The following ROBO2 variants were observed in gnomAD, a reference collection of about 807,000 sequenced individuals.
The protein encoded by ROBO2 is roundabout guidance receptor 2.
Under a neutral mutation model 160.8 loss-of-function variants are expected in ROBO2, and 53 were observed. That is an observed-to-expected ratio of 0.33 (90% CI 0.26 to 0.41). The LOEUF (loss-of-function observed/expected upper bound fraction) is 0.41, where lower values mean the gene tolerates loss of function less well. Among genes scored for constraint, ROBO2 ranks in the 10% least tolerant of loss-of-function variants. The pLI is 1.00. For synonymous variants in ROBO2, 664 were observed against 611.7 expected (o/e 1.09, Z -1.26); for missense variants, 1,577 against 1,722.4 (o/e 0.92, Z 1.49).
At chr3:76,830,737 G>A (rs1485010203) in intron 2 of ROBO2, among the ~76,000 whole-genome samples, 1 of 151,468 alleles carries the variant, frequency 6.6e-6, no homozygotes, top group Non-Finnish European at 1.5e-5. Flanking sequence ...AGCATCTCGG[G>A]AGGCTGAGGC....
At chr3:77,291,381 A>G (rs2061227313) in intron 2 of ROBO2, among the ~76,000 whole-genome samples, 1 of 151,946 alleles carries the variant, frequency 6.6e-6, no homozygotes, top group Admixed American at 6.6e-5. Flanking sequence ...CTGAGGCTAC[A>G]TCACCCCAGA....
At chr3:77,197,539 T>C (rs1297017275) in intron 2 of ROBO2, among the ~76,000 whole-genome samples, 2 of 152,168 alleles carry the variant, frequency 1.3e-5, no homozygotes, top group African/African-American at 4.8e-5. Flanking sequence ...TCAGGGCTAG[T>C]AAGAAAATGT....
intron 2 of ROBO2, among the ~76,000 whole-genome samples, chr3:76,153,947 G>C (rs1424223531): frequency 6.6e-6 from 1 of 152,042 alleles, no homozygotes; most frequent in African/African-American, 2.4e-5. Flanking sequence ...ATAGTACTTC[G>C]AGCCTATAAC....
chr3:77,181,861 A>G (rs2080821131), intron 2 of ROBO2, among the ~76,000 whole-genome samples: 1 of 152,084 alleles, frequency 6.6e-6, no homozygotes, highest in African/African-American at 2.4e-5. Flanking sequence ...CACCAAGTCC[A>G]ATAAACTTGA....
At chr3:76,928,839 A>G (rs1389266599) in intron 2 of ROBO2, among the ~76,000 whole-genome samples, 3 of 152,064 alleles carry the variant, frequency 2.0e-5, no homozygotes, top group Non-Finnish European at 2.9e-5. Context: ...CATCTCATCT[A>G]ATGGTTTTAA....
intron 1 of ROBO2, among the ~76,000 whole-genome samples, chr3:77,052,762 A>G (rs1030998789): frequency 6.6e-6 from 1 of 152,190 alleles, no homozygotes; most frequent in Non-Finnish European, 1.5e-5. Flanking sequence ...TAAGAACGTG[A>G]TGTTAGTGAT....
chr3:75,907,852 C>CGTGTGCGTGT (rs1553699049), intron 1 of ROBO2, among the ~76,000 whole-genome samples: 2 of 148,570 alleles, frequency 1.3e-5, no homozygotes, highest in Admixed American at 1.3e-4. Flanking sequence ...TAATCGTGTG[C>CGTGTGCGTGT]GTGTGTGTGT....
At chr3:77,103,972 T>C (rs774294508) in intron 2 of ROBO2, among the ~76,000 whole-genome samples, 21 of 152,186 alleles carry the variant, frequency 1.4e-4, no homozygotes, top group Non-Finnish European at 2.6e-4. Flanking sequence ...CTAGGCAAAA[T>C]ACCTTTACAC....
At chr3:76,249,571 A>G (rs1389990227) in intron 2 of ROBO2, among the ~76,000 whole-genome samples, 2 of 152,280 alleles carry the variant, frequency 1.3e-5, no homozygotes, top group Middle Eastern at 3.4e-3. Flanking sequence ...TGTTGCAAGC[A>G]ACTAAGTCAT....
intron 2 of ROBO2, among the ~76,000 whole-genome samples, chr3:77,472,485 G>T (rs1161220983): frequency 1.3e-5 from 2 of 152,056 alleles, no homozygotes; most frequent in Non-Finnish European, 2.9e-5. Flanking sequence ...CCTAAGTCAT[G>T]GTGCATCCCA....
intron 5 of ROBO2, among the ~76,000 whole-genome samples, chr3:77,501,187 G>A (rs1380850880): frequency 6.6e-6 from 1 of 152,212 alleles, no homozygotes; most frequent in African/African-American, 2.4e-5. Flanking sequence ...TATAGGACAA[G>A]CCAGAGGCTT....
intron 2 of ROBO2, among the ~76,000 whole-genome samples, chr3:76,663,754 A>G (rs1238660080): frequency 6.6e-6 from 1 of 152,138 alleles, no homozygotes; most frequent in Admixed American, 6.5e-5. Flanking sequence ...AAGACATTGC[A>G]GTTTGAGTTA....
intron 2 of ROBO2, among the ~76,000 whole-genome samples, chr3:76,124,601 C>A (rs2070892568): frequency 6.6e-6 from 1 of 151,978 alleles, no homozygotes; most frequent in African/African-American, 2.4e-5. Flanking sequence ...TCTGTGAGCC[C>A]TTTAATAAGT....
intron 2 of ROBO2, among the ~76,000 whole-genome samples, chr3:76,637,351 T>A (rs2090397891): frequency 6.6e-6 from 1 of 151,966 alleles, no homozygotes; most frequent in South Asian, 2.1e-4. Flanking sequence ...TTACATTTTC[T>A]GAGAATGGAA....
intron 2 of ROBO2, among the ~76,000 whole-genome samples, chr3:77,280,825 TC>T (rs1393650835): frequency 6.6e-6 from 1 of 152,152 alleles, no homozygotes. Flanking sequence ...ATTGATAGTT[TC>T]CCTTGCCCTA....
At chr3:77,000,997 C>G (rs755462976) in intron 2 of ROBO2, among the ~76,000 whole-genome samples, 5 of 152,050 alleles carry the variant, frequency 3.3e-5, no homozygotes, top group African/African-American at 4.8e-5. Context: ...TTAAGAGCCA[C>G]GGTGACGTTT....
intron 2 of ROBO2, among the ~76,000 whole-genome samples, chr3:76,632,008 T>C (rs2090063649): frequency 6.6e-6 from 1 of 152,248 alleles, no homozygotes; most frequent in African/African-American, 2.4e-5. Flanking sequence ...TGAATAAAAG[T>C]CTGTTTCTTC....
At chr3:76,215,127 A>T (rs896156241) in intron 2 of ROBO2, among the ~76,000 whole-genome samples, 3 of 152,222 alleles carry the variant, frequency 2.0e-5, no homozygotes, top group African/African-American at 7.2e-5. Context: ...AAAACTAACA[A>T]ACAGAAAGGA....
chr3:77,613,241 A>G (rs1427746453), intron 21 of ROBO2, among the ~76,000 whole-genome samples: 1 of 150,560 alleles, frequency 6.6e-6, no homozygotes, highest in African/African-American at 2.4e-5. Context: ...TTTAAATTTC[A>G]TGTGTATATC....
Sources: gnomAD v4.1 joint callset for allele counts (sites outside exome capture counted in the v4.1 genomes callset) on GRCh38, gnomAD v4.1.1 for gene constraint, MANE v1.5 for transcripts, NCBI Gene and HGNC (gene_info 2026-07-23, HGNC 2026-07-21) for gene names.